EIF3A: variants seen among roughly 807,000 people sequenced by gnomAD.
EIF3A encodes the protein EIF3, p180 subunit.
A neutral mutation model predicts 186.6 loss-of-function variants in EIF3A; 21 were observed. That is an observed-to-expected ratio of 0.11 (90% confidence interval 0.08 to 0.16). The LOEUF (loss-of-function observed/expected upper bound fraction) is 0.16, where lower values mean the gene tolerates loss of function less well. Ranked by LOEUF, EIF3A falls within the 10% of genes least tolerant of loss-of-function variation. EIF3A has a pLI of 1.00. For synonymous variants in EIF3A, 563 were observed against 584.3 expected, an observed-to-expected ratio of 0.96 and a Z score of 0.52; for missense variants, 1,306 against 1,796.3, an observed-to-expected ratio of 0.73 and a Z score of 4.93.
At chr10:119,053,157 CATGCTATTAACAGAT>C (rs1285012645) in intron 14 of EIF3A, among the ~76,000 whole-genome samples, 1 of 152,060 alleles carries the variant, frequency 6.6e-6, no homozygotes, top group African/African-American at 2.4e-5. Flanking sequence ...TTCAGCAAAC[CATGCTATTAACAGAT>C]ATGCTGTCAT....
intron 11 of EIF3A, among the ~76,000 whole-genome samples, chr10:119,058,976 G>A (rs893262597): frequency 4.6e-5 from 7 of 152,214 alleles, no homozygotes; most frequent in African/African-American, 1.7e-4. Flanking sequence ...TGTTGTTTCT[G>A]TAACATAATC....
At chr10:119,069,049 C>T (rs1311787225) in intron 6 of EIF3A, among the ~76,000 whole-genome samples, 1 of 152,150 alleles carries the variant, frequency 6.6e-6, no homozygotes, top group Admixed American at 6.5e-5. Context: ...TAGACTCCAC[C>T]TCTATGTGGA....
chr10:119,049,771 C>A, intron 17 of EIF3A, 30 bp downstream of exon 17: 2 of 1,567,238 alleles, frequency 1.3e-6, no homozygotes, highest in Admixed American at 1.9e-5. Flanking sequence ...CACATTAAAA[C>A]AAAATAAAAT....
Position 119,036,240 on chromosome 10 carries a change from C to A in EIF3A, c.3948G>T (p.Arg1316Ser). 6.2e-7 allele frequency: 1 copy of A among 1,613,736 alleles called. No individual in the cohort carries two copies. The highest frequency in any genetic ancestry group is 8.5e-7 in the Non-Finnish European group (1 of 1,179,976). Residue 1316 changes from arginine (R) to serine (S), a missense_variant, in exon 22 of 22, where the codon AGG (arginine) becomes AGT (serine). This residue lies in a region of EIF3A where 331 missense variants were observed against 365.8 expected (regional missense o/e 0.90). Coordinates refer to ENST00000369144, the MANE Select transcript of EIF3A (RefSeq NM_003750.4). ...CCCGCTCTTCCACCCGGTCATCTTT[C>A]CTGTCATCAGCACGTCTCCAAGAAC... ...EVSSWRRADD[R>S]KDDRVEERDP...
At chr10:119,075,152 G>A (rs1235742790) in intron 1 of EIF3A, among the ~76,000 whole-genome samples, 2 of 151,610 alleles carry the variant, frequency 1.3e-5, no homozygotes. Context: ...AGTACAGACA[G>A]GGTATCACCA....
intron 7 of EIF3A, 109 bp downstream of exon 7, chr10:119,065,290 C>T (rs1328545444): frequency 6.0e-6 from 5 of 836,028 alleles, no homozygotes; most frequent in African/African-American, 3.4e-5. Flanking sequence ...GTCCATACAT[C>T]AGAACCCTTG....
At position 119,072,917 on chromosome 10, in the gene EIF3A, G is replaced by A. The variant is rs1408676010; in HGVS notation, c.514C>T (p.Arg172Cys). 7 of 1,613,566 alleles carry A rather than the reference G, an allele frequency of 4.3e-6. No homozygotes were observed. The highest frequency in any genetic ancestry group is 1.3e-5 in the African/African-American group (1 of 74,842). ...DLLRNNSRVERLYHDIAQQAF... is the reference protein window; with the variant it reads ...DLLRNNSRVECLYHDIAQQAF... Reference sequence around the variant, plus strand: ...TGCTGGGCAATATCATGGTACAGGCGCTCTACTCTAGAATTGTTTCTAAGA... The same window carrying A: ...TGCTGGGCAATATCATGGTACAGGCACTCTACTCTAGAATTGTTTCTAAGA... The change falls in exon 4 of 22, where the codon CGC (arginine) becomes TGC (cysteine). Residue 172 changes from arginine (R) to cysteine (C), a missense_variant. Arg to Cys is a radical substitution (Grantham distance 180). Transcript: ENST00000369144.
At chr10:119,052,368 T>TTTTGTGTG (rs140398720) in intron 14 of EIF3A, among the ~76,000 whole-genome samples, 5 of 122,968 alleles carry the variant, frequency 4.1e-5, no homozygotes, top group Non-Finnish European at 7.0e-5. Flanking sequence ...TTTTTTGGTT[T>TTTTGTGTG]TGTGTGTGTG....
At chr10:119,066,370 A>G (rs952131589) in intron 6 of EIF3A, among the ~76,000 whole-genome samples, 2 of 145,100 alleles carry the variant, frequency 1.4e-5, no homozygotes, top group East Asian at 2.2e-4. Context: ...TTAGCCAGAC[A>G]TGGTGACAGG....
intron 1 of EIF3A, among the ~76,000 whole-genome samples, chr10:119,078,175 T>C (rs1844206117): frequency 6.6e-6 from 1 of 152,130 alleles, no homozygotes; most frequent in African/African-American, 2.4e-5. Flanking sequence ...GCACTGGTTG[T>C]AGAACATAAA....
rs1359995703 is a variant in EIF3A at position 119,072,931 on chromosome 10, T to C, written c.500A>G (p.Asn167Ser). 3.7e-6 allele frequency: 6 copies of C among 1,614,106 alleles called. No homozygotes were observed. The highest frequency in any genetic ancestry group is 4.2e-6 in the Non-Finnish European group (5 of 1,180,018). ...ATGGTACAGGCGCTCTACTCTAGAA[T>C]TGTTTCTAAGAAGGTCCAAACACTG... ...YRQCLDLLRN[N>S]SRVERLYHDI... The change falls in exon 4 of 22, where the codon AAT becomes AGT. Residue 167 changes from asparagine (N) to serine (S), a missense_variant. Asn to Ser is a conservative substitution (Grantham distance 46). This residue lies in a region of EIF3A where 130 missense variants were observed against 259.3 expected (regional missense o/e 0.50). Coordinates refer to ENST00000369144, the MANE Select transcript of EIF3A (RefSeq NM_003750.4).
intron 14 of EIF3A, among the ~76,000 whole-genome samples, chr10:119,054,201 G>A (rs1046529651): frequency 2.0e-5 from 3 of 151,988 alleles, no homozygotes; most frequent in African/African-American, 7.3e-5. Context: ...TATTACAGAC[G>A]TGAGCCACCA....
intron 4 of EIF3A, 84 bp downstream of exon 4, chr10:119,072,806 T>G (rs1844100147): frequency 1.4e-6 from 2 of 1,461,834 alleles, no homozygotes; most frequent in Non-Finnish European, 1.8e-6. Context: ...GGATAAAAAC[T>G]AGTTCATTTT....
intron 9 of EIF3A, chr10:119,059,993 A>T (rs1843857784): frequency 9.5e-6 from 5 of 527,646 alleles, no homozygotes; most frequent in Non-Finnish European, 1.8e-5. Flanking sequence ...GAATATATTT[A>T]AACACTTCTT....
chr10:119,046,469 A>C (rs1042479777), intron 17 of EIF3A, among the ~76,000 whole-genome samples: 1 of 152,250 alleles, frequency 6.6e-6, no homozygotes, highest in Non-Finnish European at 1.5e-5. Flanking sequence ...AATGTTCGCT[A>C]ATATGGATGG....
At chr10:119,072,055 AAAAG>A (rs1305246293) in intron 4 of EIF3A, among the ~76,000 whole-genome samples, 2 of 133,160 alleles carry the variant, frequency 1.5e-5, no homozygotes, top group African/African-American at 6.7e-5. Flanking sequence ...AAGAAAGAAA[AAAAG>A]AAAGAAAGTG....
intron 17 of EIF3A, among the ~76,000 whole-genome samples, chr10:119,045,432 G>C (rs1848270265): frequency 6.6e-6 from 1 of 152,136 alleles, no homozygotes; most frequent in South Asian, 2.1e-4. Flanking sequence ...AACACCTTGA[G>C]AGAAAATAGA....
chr10:119,075,664 A>ATATC (rs1554873596), intron 1 of EIF3A, among the ~76,000 whole-genome samples: 5 of 139,804 alleles, frequency 3.6e-5, no homozygotes, highest in South Asian at 4.5e-4. Context: ...ATATATATAT[A>ATATC]TATCTCCTTT....
At position 119,042,833 on chromosome 10, in the gene EIF3A, G is replaced by T; in HGVS notation, c.2748-61C>A. ...ATAAAAAAGCATATGATCCTTTGGGGATTTTTTTTTTCACATGCTTTTTAA... is the reference window on the plus strand; with the variant it reads ...ATAAAAAAGCATATGATCCTTTGGGTATTTTTTTTTTCACATGCTTTTTAA... On this transcript the variant is annotated intron_variant, in intron 18 of 21. Coordinates refer to ENST00000369144, the MANE Select transcript of EIF3A (RefSeq NM_003750.4). The surrounding 1 kb of genome is among the most constrained non-coding windows in gnomAD (Gnocchi z 7.8). The T allele has an allele frequency of 6.7e-7, 1 of 1,484,184 alleles. No individual in the cohort carries two copies. The highest frequency in any genetic ancestry group is 8.9e-7 in the Non-Finnish European group (1 of 1,120,964). 91.9% of individuals were successfully genotyped at this position (1,484,184 alleles called of 1,614,324 possible). A position where few individuals can be genotyped will look rare whatever the true frequency, so the allele number is the denominator to read the frequency against.
Sources: allele counts gnomAD v4.1 joint callset (sites outside exome capture counted in the v4.1 genomes callset), GRCh38; gene constraint gnomAD v4.1.1; regional missense constraint gnomAD v4.1.1; non-coding constraint Gnocchi (gnomAD v3.1); transcripts MANE v1.5; gene names NCBI Gene and HGNC (gene_info 2026-07-23, HGNC 2026-07-21).